The following COG4 variants were observed in gnomAD, a reference collection of about 807,000 sequenced individuals.
COG4 encodes the protein component of oligomeric golgi complex 4, also known as conserved oligomeric Golgi complex subunit 4.
A neutral mutation model predicts 95.1 loss-of-function variants in COG4; 65 were observed. The observed-to-expected ratio is 0.68, with a 90% CI of 0.56 to 0.84. The LOEUF (loss-of-function observed/expected upper bound fraction) is 0.84, where lower values mean the gene tolerates loss of function less well. Among genes scored for constraint, COG4 ranks in the 40% least tolerant of loss-of-function variants. The pLI is 0.00. For missense variants in COG4, 1,045 were observed against 989.1 expected (o/e 1.06, Z -0.76); for synonymous variants, 421 against 374.8 (o/e 1.12, Z -1.42).
chr16:70,512,441 C>A lies in COG4; in HGVS notation c.545-9G>T. On this transcript the variant is annotated splice_polypyrimidine_tract_variant and intron_variant, in intron 4 of 18. Transcript: ENST00000323786. Reference sequence around the variant, plus strand: ...GGCATCAATCATGCTCCCTGCTCAACAGGGAGAAAATGAAAATTCAAGTAA... The same window carrying A: ...GGCATCAATCATGCTCCCTGCTCAAAAGGGAGAAAATGAAAATTCAAGTAA... 6.2e-7 allele frequency: 1 copy of A among 1,612,162 alleles called. No individual in the cohort carries two copies. Among genetic ancestry groups the A allele is most frequent in the Non-Finnish European group, 8.5e-7 (1 of 1,178,836 alleles).
chr16:70,498,322 T>A (rs1410220828), intron 9 of COG4, among the ~76,000 whole-genome samples: 1 of 152,170 alleles, frequency 6.6e-6, no homozygotes, highest in Non-Finnish European at 1.5e-5. Context: ...CTACTTTTTT[T>A]ATTTTTAACT....
chr16:70,509,753 A>T, intron 6 of COG4, 163 bp downstream of exon 6: 1 of 676,548 alleles, frequency 1.5e-6, no homozygotes, highest in Non-Finnish European at 2.6e-6. Context: ...ATCTTTGCTA[A>T]TCAGGCACTG....
intron 13 of COG4, among the ~76,000 whole-genome samples, chr16:70,486,292 C>T (rs1319037316): frequency 6.6e-6 from 1 of 152,168 alleles, no homozygotes; most frequent in East Asian, 1.9e-4. Context: ...CCAGGAGCTG[C>T]CGCATTGCTC....
At chr16:70,519,782 A>G (rs767284432) in intron 1 of COG4, 51 bp from the exon 2 acceptor site, 5 of 1,341,532 alleles carry the variant, frequency 3.7e-6, no homozygotes, top group South Asian at 1.2e-5. Context: ...AGGAACCTTA[A>G]GAGTTATCTA....
At chr16:70,496,476 G>T in intron 11 of COG4, 45 bp from the exon 12 acceptor site, 1 of 1,604,324 alleles carries the variant, frequency 6.2e-7, no homozygotes, top group Non-Finnish European at 8.5e-7. Flanking sequence ...GCTCAACTTG[G>T]CCACCAGGAC....
intron 13 of COG4, among the ~76,000 whole-genome samples, chr16:70,487,155 G>C (rs1222897953): frequency 6.6e-6 from 1 of 151,830 alleles, no homozygotes; most frequent in African/African-American, 2.4e-5. Context: ...GCTGGGCATG[G>C]TGTCAGGTGC....
At position 70,514,625 on chromosome 16, in the gene COG4, C is replaced by G. The variant is rs1026088365; in HGVS notation, c.370-116G>C. ...CAACCATATGTCAATAGCAATCTCA[C>G]AAACACCACCACTACTGTTAACGCA... On this transcript the variant is annotated intron_variant, in intron 3 of 18. Coordinates refer to ENST00000323786, the MANE Select transcript of COG4 (RefSeq NM_015386.3). 4 of 794,460 alleles carry G rather than the reference C, an allele frequency of 5.0e-6. No individual in the cohort carries two copies. In the African/African-American group the frequency reaches 6.8e-5, roughly 13 times the overall value. 49.2% of individuals were successfully genotyped at this position (794,460 alleles called of 1,614,324 possible).
At chr16:70,500,820 G>T in intron 9 of COG4, 138 bp downstream of exon 9, 1 of 980,074 alleles carries the variant, frequency 1.0e-6, no homozygotes, top group South Asian at 1.3e-5. Flanking sequence ...ATTTCTTCCT[G>T]GGAGTCAATT....
intron 1 of COG4, among the ~76,000 whole-genome samples, chr16:70,520,464 C>CAAAAAA (rs1158338597): frequency 9.4e-6 from 1 of 105,916 alleles, no homozygotes; most frequent in South Asian, 3.3e-4. Flanking sequence ...GTCTCAAAAA[C>CAAAAAA]AAAAAACAAA....
At chr16:70,492,661 CAAA>C (rs57112173) in intron 12 of COG4, among the ~76,000 whole-genome samples, 3 of 94,970 alleles carry the variant, frequency 3.2e-5, no homozygotes, top group African/African-American at 8.2e-5. Context: ...AACTCCGTCT[CAAA>C]AAAAAAAAAA....
intron 3 of COG4, chr16:70,515,879 G>A: frequency 2.5e-6 from 1 of 398,160 alleles, no homozygotes; most frequent in South Asian, 1.8e-5. Context: ...GTGTTCCAAG[G>A]TTTGGTCTCC....
At chr16:70,495,430 A>G (rs983400117) in intron 12 of COG4, among the ~76,000 whole-genome samples, 1 of 151,434 alleles carries the variant, frequency 6.6e-6, no homozygotes, top group African/African-American at 2.4e-5. Context: ...GATAAAAGCT[A>G]AGGAAGGACC....
intron 12 of COG4, among the ~76,000 whole-genome samples, chr16:70,495,587 C>T (rs147419718): frequency 1.6e-4 from 24 of 152,188 alleles, no homozygotes; most frequent in African/African-American, 5.1e-4. Context: ...GAATGGACCT[C>T]GGACTGTGCT....
At chr16:70,504,947 T>C (rs986108179) in intron 8 of COG4, among the ~76,000 whole-genome samples, 2 of 151,852 alleles carry the variant, frequency 1.3e-5, no homozygotes, top group Non-Finnish European at 1.5e-5. Flanking sequence ...ATGCCGTTAG[T>C]GCAGAAGTTA....
chr16:70,500,365 C>CTTTTTT (rs68141616), intron 9 of COG4, among the ~76,000 whole-genome samples: 5 of 96,156 alleles, frequency 5.2e-5, no homozygotes, highest in African/African-American at 2.5e-4. Flanking sequence ...ATTATATACT[C>CTTTTTT]TTTTTTTTTT....
intron 8 of COG4, among the ~76,000 whole-genome samples, chr16:70,504,588 C>T (rs540939194): frequency 2.2e-4 from 29 of 134,702 alleles, no homozygotes; most frequent in South Asian, 5.0e-4. Flanking sequence ...GCCTGGGTGA[C>T]GGAGTGAGTG....
In COG4 at chr16:70,517,737, A is replaced by T; in HGVS notation, c.258T>A (p.Pro86=). ...CATCTCCCTCAATCAGCTGCAGATT[A>T]GGACTGGAGAAATACATTGTTAGCA... ...SKMVTLHRMG[P]NLQLIEGDAK... is the part of the protein sequence containing the mutation. Residue 86 remains proline, a synonymous_variant, in exon 3 of 19, where the codon CCT becomes CCA. Coordinates refer to ENST00000323786, the MANE Select transcript of COG4 (RefSeq NM_015386.3). 1 of 1,605,252 alleles carries T rather than the reference A, an allele frequency of 6.2e-7. No individual in the cohort carries two copies. Among genetic ancestry groups the T allele is most frequent in the Non-Finnish European group, 8.5e-7 (1 of 1,172,110 alleles).
intron 3 of COG4, among the ~76,000 whole-genome samples, chr16:70,516,588 G>A (rs957195680): frequency 6.6e-6 from 1 of 152,012 alleles, no homozygotes; most frequent in Non-Finnish European, 1.5e-5. Flanking sequence ...GAGCCACCGC[G>A]CCCAGCCTTG....
At chr16:70,494,845 G>C (rs2049307761) in intron 12 of COG4, among the ~76,000 whole-genome samples, 1 of 152,160 alleles carries the variant, frequency 6.6e-6, no homozygotes, top group Non-Finnish European at 1.5e-5. Context: ...ACTTTCACAG[G>C]CAACAGTTTT....
Sources: gnomAD v4.1 joint callset for allele counts (sites outside exome capture counted in the v4.1 genomes callset) on GRCh38, gnomAD v4.1.1 for gene constraint, MANE v1.5 for transcripts, NCBI Gene and HGNC (gene_info 2026-07-23, HGNC 2026-07-21) for gene names.